ZNF385D: variants seen among roughly 807,000 people sequenced by gnomAD.
The protein encoded by ZNF385D is zinc finger protein 659.
A neutral mutation model predicts 35.8 loss-of-function variants in ZNF385D; 15 were observed. The observed-to-expected ratio is 0.42, with a 90% CI of 0.28 to 0.64. The LOEUF (loss-of-function observed/expected upper bound fraction) is 0.64. Ranked by LOEUF, ZNF385D falls within the 30% of genes least tolerant of loss-of-function variation. ZNF385D has a pLI of 0.23. For missense variants in ZNF385D, 474 were observed against 494.6 expected (o/e 0.96, Z 0.39); for synonymous variants, 212 against 186.8 (o/e 1.13, Z -1.10).
chr3:22,114,062 C>T (rs6766886), intron 3 of ZNF385D, among the ~76,000 whole-genome samples: 73,814 of 151,800 alleles, frequency 0.49, 19,140 homozygotes, highest in East Asian at 0.77. Context: ...CATTTAACAA[C>T]GTTTAAGTGA....
chr3:21,441,584 A>G lies in ZNF385D; in HGVS notation c.440-4381T>C, dbSNP rs572145658. 4 of 562,956 alleles carry G rather than the reference A, an allele frequency of 7.1e-6. No individual in the cohort carries two copies. The African/African-American group carries it at 8.2e-5, about 11-fold the overall frequency. 34.9% of individuals were successfully genotyped at this position (562,956 alleles called of 1,614,324 possible). A position where few individuals can be genotyped will look rare whatever the true frequency, so the allele number is the denominator to read the frequency against. On this transcript the variant is annotated intron_variant, in intron 4 of 7. Coordinates refer to ENST00000281523, the MANE Select transcript of ZNF385D (RefSeq NM_024697.3). ...AGAAACTAAGCGTGGCCCAAGCTAGAGTCAATTACGTATATCCAAATACCA... is the reference window on the plus strand; with the variant it reads ...AGAAACTAAGCGTGGCCCAAGCTAGGGTCAATTACGTATATCCAAATACCA...
chr3:21,900,802 G>T (rs977649187), intron 3 of ZNF385D, among the ~76,000 whole-genome samples: 3 of 152,170 alleles, frequency 2.0e-5, no homozygotes, highest in Non-Finnish European at 4.4e-5. Flanking sequence ...CCTAGTAAAA[G>T]GTCTCTAGTG....
At chr3:22,166,178 GCC>G (rs1706315631) in intron 3 of ZNF385D, among the ~76,000 whole-genome samples, 3 of 152,018 alleles carry the variant, frequency 2.0e-5, no homozygotes, top group South Asian at 4.2e-4. Flanking sequence ...GTTTTTCGTG[GCC>G]TACATCATGT....
At chr3:21,943,820 C>G (rs1417566452) in intron 3 of ZNF385D, among the ~76,000 whole-genome samples, 1 of 152,108 alleles carries the variant, frequency 6.6e-6, no homozygotes, top group East Asian at 1.9e-4. Flanking sequence ...CAAACTAAGC[C>G]TGAAAACACT....
At chr3:21,988,680 G>A (rs556972357) in intron 3 of ZNF385D, among the ~76,000 whole-genome samples, 7 of 151,680 alleles carry the variant, frequency 4.6e-5, no homozygotes, top group African/African-American at 1.2e-4. Context: ...GCCTCCTTGA[G>A]CTGTGGTGGG....
intron 3 of ZNF385D, among the ~76,000 whole-genome samples, chr3:21,549,311 G>T (rs1575153834): frequency 6.6e-6 from 1 of 152,278 alleles, no homozygotes; most frequent in East Asian, 1.9e-4. Flanking sequence ...GCCTGCCAAA[G>T]AAGCACACTG....
chr3:21,796,024 C>T (rs1242129311), intron 3 of ZNF385D, among the ~76,000 whole-genome samples: 1 of 152,200 alleles, frequency 6.6e-6, no homozygotes, highest in African/African-American at 2.4e-5. Flanking sequence ...GCAATACTAT[C>T]ATAGCAGAGT....
intron 3 of ZNF385D, among the ~76,000 whole-genome samples, chr3:21,517,932 T>C (rs1413214005): frequency 6.6e-6 from 1 of 152,176 alleles, no homozygotes. Context: ...AGTGTGGGCT[T>C]GGGACACTGT....
At chr3:22,021,930 C>A (rs1488991732) in intron 3 of ZNF385D, among the ~76,000 whole-genome samples, 2 of 152,040 alleles carry the variant, frequency 1.3e-5, no homozygotes, top group Non-Finnish European at 2.9e-5. Context: ...ACAAGTTTGA[C>A]GGCCTCTGTT....
At chr3:21,700,937 C>T (rs574323027) in intron 1 of ZNF385D, among the ~76,000 whole-genome samples, 1 of 152,220 alleles carries the variant, frequency 6.6e-6, no homozygotes, top group South Asian at 2.1e-4. Context: ...TATTTTTTCT[C>T]CGCCTCCAGG....
intron 3 of ZNF385D, among the ~76,000 whole-genome samples, chr3:22,080,698 A>C (rs1243322669): frequency 1.3e-5 from 2 of 152,274 alleles, no homozygotes; most frequent in South Asian, 2.1e-4. Flanking sequence ...CCTAAAATTC[A>C]TATGTTGAGT....
At chr3:21,753,720 CTATT>C (rs2070208392), upstream of ZNF385D, among the ~76,000 whole-genome samples, 1 of 151,916 alleles carries the variant, frequency 6.6e-6, no homozygotes, top group East Asian at 1.9e-4. Flanking sequence ...TTACATAAAA[CTATT>C]TTATTTATTT....
At chr3:22,183,383 C>T (rs557428472) in intron 2 of ZNF385D, among the ~76,000 whole-genome samples, 1 of 152,046 alleles carries the variant, frequency 6.6e-6, no homozygotes. Context: ...TGGAGTCTCA[C>T]TCTGTCGCCC....
At chr3:22,232,702 T>C (rs977155167) in intron 2 of ZNF385D, among the ~76,000 whole-genome samples, 4 of 152,314 alleles carry the variant, frequency 2.6e-5, no homozygotes, top group Admixed American at 2.0e-4. Flanking sequence ...TCCATGTCCC[T>C]GCAAAGGAGA....
chr3:21,660,097 C>T (rs1264350986), intron 2 of ZNF385D, among the ~76,000 whole-genome samples: 2 of 151,178 alleles, frequency 1.3e-5, no homozygotes, highest in Non-Finnish European at 3.0e-5. Flanking sequence ...AGGACTTGAT[C>T]TCTCTCTCTC....
chr3:21,721,024 A>G (rs115662388), intron 1 of ZNF385D, among the ~76,000 whole-genome samples: 1 of 152,186 alleles, frequency 6.6e-6, no homozygotes, highest in Admixed American at 6.5e-5. Flanking sequence ...TTTAATTTTT[A>G]AAAAACATAT....
At chr3:22,112,226 G>T (rs74747800) in intron 3 of ZNF385D, among the ~76,000 whole-genome samples, 2 of 152,048 alleles carry the variant, frequency 1.3e-5, no homozygotes, top group Admixed American at 1.3e-4. Context: ...CTTTAGCTGC[G>T]TATTTAAACC....
chr3:22,118,806 C>G (rs1576350358), intron 3 of ZNF385D, among the ~76,000 whole-genome samples: 1 of 152,220 alleles, frequency 6.6e-6, no homozygotes, highest in African/African-American at 2.4e-5. Context: ...GATGTAAGCA[C>G]TATTTTAACA....
At chr3:21,633,577 C>G (rs3849544) in intron 2 of ZNF385D, among the ~76,000 whole-genome samples, 74,420 of 151,816 alleles carry the variant, frequency 0.49, 18,364 homozygotes, top group African/African-American at 0.51. Context: ...GGACAAATAA[C>G]TATCTTTATG....
Sources: allele counts gnomAD v4.1 joint callset (sites outside exome capture counted in the v4.1 genomes callset), GRCh38; gene constraint gnomAD v4.1.1; transcripts MANE v1.5; gene names NCBI Gene and HGNC (gene_info 2026-07-23, HGNC 2026-07-21).